The following CFAP61 variants were observed in gnomAD, a reference collection of about 807,000 sequenced individuals.
CFAP61 encodes the protein cilia- and flagella-associated protein 61.
Under a neutral mutation model 135.6 loss-of-function variants are expected in CFAP61, and 107 were observed. The ratio of observed to expected loss-of-function variants is 0.79; its 90% CI spans 0.67 to 0.93. The LOEUF (loss-of-function observed/expected upper bound fraction) is 0.93. CFAP61 is among the 40% of genes least tolerant of loss of function. CFAP61 has a pLI of 0.00. For missense variants in CFAP61, 1,507 were observed against 1,556.2 expected (o/e 0.97, Z 0.53); for synonymous variants, 575 against 578.5 (o/e 0.99, Z 0.09).
At chr20:20,290,464 C>A in intron 24 of CFAP61, 73 bp downstream of exon 24, 1 of 1,009,762 alleles carries the variant, frequency 9.9e-7, no homozygotes, top group Non-Finnish European at 1.5e-6. Context: ...AAATTCTTTA[C>A]TTGGAGTCTT....
chr20:20,084,715 G>A (rs532378805), intron 6 of CFAP61, among the ~76,000 whole-genome samples: 1 of 152,204 alleles, frequency 6.6e-6, no homozygotes, highest in African/African-American at 2.4e-5. Context: ...CCGACTGGTG[G>A]AAGTGCTGAG....
intron 22 of CFAP61, among the ~76,000 whole-genome samples, chr20:20,278,132 T>G (rs2053913082): frequency 6.6e-6 from 1 of 152,218 alleles, no homozygotes; most frequent in Non-Finnish European, 1.5e-5. Flanking sequence ...GAGCTTGCCA[T>G]GCCCCAGGAC....
chr20:20,125,360 A>C (rs1293779583), intron 8 of CFAP61, among the ~76,000 whole-genome samples: 1 of 151,722 alleles, frequency 6.6e-6, no homozygotes, highest in Non-Finnish European at 1.5e-5. Flanking sequence ...GTTTAAGGCT[A>C]TGAACTTCCT....
chr20:20,171,481 G>A (rs543940970), intron 13 of CFAP61, among the ~76,000 whole-genome samples: 1 of 152,280 alleles, frequency 6.6e-6, no homozygotes, highest in African/African-American at 2.4e-5. Context: ...GAAGTTTAAT[G>A]TGTCCTTCCA....
chr20:20,275,224 A>G (rs2053657671), intron 21 of CFAP61, among the ~76,000 whole-genome samples: 1 of 152,232 alleles, frequency 6.6e-6, no homozygotes, highest in Non-Finnish European at 1.5e-5. Flanking sequence ...GCCACAACCT[A>G]GAGCCAGATC....
chr20:20,218,143 T>C (rs2048160842), intron 17 of CFAP61, among the ~76,000 whole-genome samples: 1 of 152,236 alleles, frequency 6.6e-6, no homozygotes, highest in South Asian at 2.1e-4. Flanking sequence ...ATGGTTTGGC[T>C]GTGTCCCCAC....
At chr20:20,269,376 T>C (rs1024990449) in intron 21 of CFAP61, among the ~76,000 whole-genome samples, 17 of 151,578 alleles carry the variant, frequency 1.1e-4, no homozygotes, top group South Asian at 2.1e-4. Flanking sequence ...TATATATATA[T>C]ACACACACAT....
At chr20:20,244,978 C>T (rs6136971) in intron 18 of CFAP61, among the ~76,000 whole-genome samples, 57,524 of 152,120 alleles carry the variant, frequency 0.38, 11,099 homozygotes, top group Middle Eastern at 0.44. Flanking sequence ...ATAACAAGTG[C>T]CACCTTTACT....
chr20:20,286,078 A>G (rs1223900307), intron 22 of CFAP61, among the ~76,000 whole-genome samples: 1 of 151,690 alleles, frequency 6.6e-6, no homozygotes, highest in African/African-American at 2.4e-5. Context: ...CATTTCTCCA[A>G]GTTTTTACTG....
chr20:20,154,311 A>T (rs573320440), intron 9 of CFAP61, among the ~76,000 whole-genome samples: 1 of 152,196 alleles, frequency 6.6e-6, no homozygotes, highest in South Asian at 2.1e-4. Context: ...GAGGATGCAC[A>T]TTTTCACCAC....
chr20:20,228,990 A>T (rs2048936583), intron 18 of CFAP61, among the ~76,000 whole-genome samples: 1 of 152,228 alleles, frequency 6.6e-6, no homozygotes, highest in Non-Finnish European at 1.5e-5. Context: ...CAGAAATGGC[A>T]TGTGGGCCAG....
chr20:20,240,099 CTTTG>C lies in CFAP61; in HGVS notation c.2061-6013_2061-6010del, dbSNP rs566544514. 2.7e-4 allele frequency among the ~76,000 whole-genome samples: 41 copies of C among 152,248 alleles called. 1 individual carries two copies. The East Asian group carries it at 7.7e-3, about 29-fold the overall frequency. ...AGGAGTGGGATGAGGCGACCAAGAG[CTTTG>C]TTTGGGCACATATTAAATTTGACAC... On this transcript the variant is annotated intron_variant, in intron 18 of 26. Coordinates refer to ENST00000245957, the MANE Select transcript of CFAP61 (RefSeq NM_015585.4).
At chr20:20,301,623 G>C (rs553897065) in intron 25 of CFAP61, among the ~76,000 whole-genome samples, 3 of 152,132 alleles carry the variant, frequency 2.0e-5, no homozygotes. Context: ...CCCACTTAAT[G>C]ATGCCTTTTC....
intron 22 of CFAP61, among the ~76,000 whole-genome samples, chr20:20,277,882 A>C (rs764122734): frequency 6.6e-6 from 1 of 152,186 alleles, no homozygotes; most frequent in African/African-American, 2.4e-5. Flanking sequence ...TGGCCCCTTC[A>C]TGGGACTGGC....
intron 25 of CFAP61, among the ~76,000 whole-genome samples, chr20:20,300,576 A>G (rs1200298921): frequency 6.6e-6 from 1 of 152,122 alleles, no homozygotes; most frequent in African/African-American, 2.4e-5. Context: ...ATAGCTATAC[A>G]ATGTGCTTAT....
At chr20:20,066,821 AAAAAT>A (rs77936023) in intron 2 of CFAP61, among the ~76,000 whole-genome samples, 8,709 of 152,172 alleles carry the variant, frequency 0.057, 288 homozygotes, top group East Asian at 0.1. Flanking sequence ...AAGTGTAATA[AAAAAT>A]AAAATAAAAT....
In CFAP61 at chr20:20,091,887, A is replaced by G. The variant is rs373087010; in HGVS notation, c.699+911A>G. Among the ~76,000 whole-genome samples, 33 of 152,298 alleles carry G rather than the reference A, an allele frequency of 2.2e-4. No individual in the cohort carries two copies. In the East Asian group the frequency reaches 3.5e-3, roughly 16 times the overall value. On this transcript the variant is annotated intron_variant, in intron 7 of 26. Coordinates refer to ENST00000245957, the MANE Select transcript of CFAP61 (RefSeq NM_015585.4). ...GAGACGGGGTTTCACCATGTTGGCC[A>G]GGCTGACCTGAGGTGAACTCCTGAC...
At chr20:20,113,328 C>T (rs1055028997) in intron 8 of CFAP61, among the ~76,000 whole-genome samples, 1 of 152,182 alleles carries the variant, frequency 6.6e-6, no homozygotes, top group Non-Finnish European at 1.5e-5. Flanking sequence ...TATTTAGATA[C>T]TGTGCTCTTT....
At chr20:20,245,279 A>G (rs984555332) in intron 18 of CFAP61, among the ~76,000 whole-genome samples, 1 of 152,252 alleles carries the variant, frequency 6.6e-6, no homozygotes, top group Non-Finnish European at 1.5e-5. Context: ...AAACATAAGC[A>G]TACCCAAGAC....
Sources: allele counts gnomAD v4.1 joint callset (sites outside exome capture counted in the v4.1 genomes callset), GRCh38; gene constraint gnomAD v4.1.1; transcripts MANE v1.5; gene names NCBI Gene and HGNC (gene_info 2026-07-23, HGNC 2026-07-21).